The following GIPR variants were observed in gnomAD, a reference collection of about 807,000 sequenced individuals.
GIPR encodes the protein GIP-R.
A neutral mutation model predicts 62.2 loss-of-function variants in GIPR; 74 were observed. The observed-to-expected ratio is 1.19, with a 90% CI of 0.99 to 1.44. The LOEUF is 1.44. GIPR is among the 40% of genes most tolerant of loss of function. The probability of loss-of-function intolerance (pLI) is 0.00; values close to 1 mark genes in which losing one functional copy is unlikely to be tolerated. For missense variants in GIPR, 664 were observed against 611.8 expected (o/e 1.09, Z -0.90); for synonymous variants, 256 against 262.2 (o/e 0.98, Z 0.23).
At chr19:45,677,437 C>G (rs1967007566) in intron 9 of GIPR, 54 bp downstream of exon 9, 2 of 1,236,074 alleles carry the variant, frequency 1.6e-6, no homozygotes, top group Admixed American at 1.8e-5. Flanking sequence ...CTTTGAGGGA[C>G]TGTGGCGGGT....
At position 45,671,202 on chromosome 19, in the gene GIPR, AAGCACTTGGCCCACTGCGCAGT is replaced by A. The variant is rs748182574; in HGVS notation, c.173-58_173-37del. On this transcript the variant is annotated intron_variant, in intron 3 of 13. Coordinates refer to ENST00000590918, the MANE Select transcript of GIPR (RefSeq NM_000164.4). ...GAGAAGCACTTGGCCCACTGCGGAG[AAGCACTTGGCCCACTGCGCAGT>A]AGCACTTGGCCCACTGCGCAGTAGG... 1.0e-2 allele frequency: 8,277 copies of A among 829,576 alleles called. 102 individuals are homozygous for A. The highest frequency in any genetic ancestry group is 0.046 in the Middle Eastern group (193 of 4,228). 51.4% of individuals were successfully genotyped at this position (829,576 alleles called of 1,614,324 possible).
In GIPR at chr19:45,677,082, T is replaced by A; in HGVS notation, c.767T>A (p.Phe256Tyr). The change falls in exon 8 of 14, where the codon TTC becomes TAC. Residue 256 changes from phenylalanine to tyrosine, a missense_variant. Coordinates refer to ENST00000590918, the MANE Select transcript of GIPR (RefSeq NM_000164.4). ...GTGGGAGGCTCCGAGGAGGGCCACT[T>A]CCGCTACTACCTGCTCCTCGGCTGG... ...VLVGGSEEGHFRYYLLLGWGA... is the reference protein window; with the variant it reads ...VLVGGSEEGHYRYYLLLGWGA... 2 of 1,613,914 alleles carry A rather than the reference T, an allele frequency of 1.2e-6. No homozygotes were observed. The highest frequency in any genetic ancestry group is 1.7e-5 in the Admixed American group (1 of 60,010).
chr19:45,679,561 G>A (rs1308548357), intron 12 of GIPR, among the ~76,000 whole-genome samples: 7 of 151,406 alleles, frequency 4.6e-5, no homozygotes, highest in Non-Finnish European at 8.8e-5. Flanking sequence ...AGCAAGAAAA[G>A]AGATGAGGAG....
chr19:45,671,233 G>GCCC (rs1384219656), intron 3 of GIPR, 52 bp from the exon 4 acceptor site: 5 of 1,041,522 alleles, frequency 4.8e-6, no homozygotes, highest in Non-Finnish European at 7.5e-6. Flanking sequence ...GTAGCACTTG[G>GCCC]CCCACTGCGC....
rs1238319940 is a variant in GIPR at position 45,672,971 on chromosome 19, G to C, written c.384+17G>C. 4.2e-6 allele frequency: 6 copies of C among 1,438,112 alleles called. No homozygotes were observed. The highest frequency in any genetic ancestry group is 5.9e-6 in the Non-Finnish European group (6 of 1,019,330). The allele number at this position is 1,438,112 out of a possible 1,614,324, so 89.1% of individuals were successfully genotyped here. ...GCCTTTCTGGTAAGAAGAGGTGAGG[G>C]CTTCAGGTTAGGAGTCCAGGGAGAG... is the stretch of plus-strand genomic sequence containing the variant. On this transcript the variant is annotated intron_variant, in intron 5 of 13. Transcript: ENST00000590918.
At position 45,669,475 on chromosome 19, in the gene GIPR, A is replaced by G; in HGVS notation, c.-44-2A>G. On this transcript the variant is annotated splice_acceptor_variant, in intron 1 of 13. Coordinates refer to ENST00000590918, the MANE Select transcript of GIPR (RefSeq NM_000164.4). LOFTEE classifies it low-confidence loss of function (5UTR_SPLICE). ...TGCTGACCTTGCCCTGGGACCCTCC[A>G]GGCCTGATCGCCCCTGCACGAACCA... 1.3e-6 allele frequency: 2 copies of G among 1,548,666 alleles called. No homozygotes were observed. Among genetic ancestry groups the G allele is most frequent in the Non-Finnish European group, 1.7e-6 (2 of 1,150,040 alleles).
At chr19:45,670,768 C>A (rs1342207461) in intron 3 of GIPR, 34 bp downstream of exon 3, 2 of 1,355,738 alleles carry the variant, frequency 1.5e-6, no homozygotes, top group Non-Finnish European at 2.1e-6. Context: ...GCGGGGAGGA[C>A]CTGAGGCTGA....
rs529800464 is a variant in GIPR at position 45,681,618 on chromosome 19, C to A, written c.1167C>A (p.Ser389Arg). The A allele has an allele frequency of 6.2e-7, 1 of 1,613,880 alleles. No individual in the cohort carries two copies. The highest frequency in any genetic ancestry group is 1.1e-5 in the South Asian group (1 of 91,082). Residue 389 changes from serine (S) to arginine (R), a missense_variant, in exon 13 of 14, where the codon AGC becomes AGA. Transcript: ENST00000590918. ...CCTCTGGGCAGGGCTTCCTGGTCAG[C>A]GTCCTCTACTGCTTCATCAACAAGG... is the stretch of plus-strand genomic sequence containing the variant. Reference protein sequence around the residue: ...FLSSFQGFLVSVLYCFINKEV... With the variant: ...FLSSFQGFLVRVLYCFINKEV...
chr19:45,674,650 G>A, intron 6 of GIPR, 32 bp from the exon 7 acceptor site: 2 of 1,612,274 alleles, frequency 1.2e-6, no homozygotes, highest in South Asian at 1.1e-5. Flanking sequence ...AGCTCTCCAG[G>A]GGCCCCCACA....
At position 45,678,199 on chromosome 19, in the gene GIPR, C is replaced by T; in HGVS notation, c.1125C>T (p.Gly375=). The part of the protein sequence containing the change: ...ARGALRFAKL[G]FEIFLSSFQG... ...GCGCCCTGCGCTTCGCCAAGCTCGG[C>T]TTTGAGATCTTCCTCAGCTCCTTCC... Residue 375 remains glycine, a synonymous_variant, in exon 12 of 14, where the codon GGC becomes GGT. Coordinates refer to ENST00000590918, the MANE Select transcript of GIPR (RefSeq NM_000164.4). The T allele has an allele frequency of 1.9e-6, 3 of 1,578,714 alleles. No individual in the cohort carries two copies. The highest frequency in any genetic ancestry group is 2.6e-6 in the Non-Finnish European group (3 of 1,162,848).
intron 12 of GIPR, among the ~76,000 whole-genome samples, chr19:45,681,297 C>T (rs1408825656): frequency 6.6e-6 from 1 of 152,032 alleles, no homozygotes; most frequent in African/African-American, 2.4e-5. Context: ...GAGTTCGAGA[C>T]CAGTCTGGAC....
At chr19:45,672,602 G>C in intron 4 of GIPR, 1 of 435,440 alleles carries the variant, frequency 2.3e-6, no homozygotes, top group East Asian at 4.9e-5. Context: ...ACCACGCCCA[G>C]CCTTAACATT....
chr19:45,676,886 G>A (rs191186757), intron 7 of GIPR, 63 bp from the exon 8 acceptor site: 6 of 1,475,322 alleles, frequency 4.1e-6, no homozygotes, highest in African/African-American at 2.8e-5. Context: ...ATCAAAGCTG[G>A]GGGAGACTGG....
At position 45,682,036 on chromosome 19, in the gene GIPR, C is replaced by A; in HGVS notation, c.*101C>A. On this transcript the variant is annotated 3_prime_UTR_variant, in exon 14 of 14. Coordinates refer to ENST00000590918, the MANE Select transcript of GIPR (RefSeq NM_000164.4). The stretch of plus-strand genomic sequence containing the variant: ...GACGCTGGGGAAATGGTGAAGGAAA[C>A]AGAAAAAAGGTCCCTGCCCTTCTGG... The A allele has an allele frequency of 1.3e-5, 13 of 1,037,658 alleles. No homozygotes were observed. In the Admixed American group the frequency reaches 1.3e-4, roughly 10 times the overall value. 64.3% of individuals were successfully genotyped at this position (1,037,658 alleles called of 1,614,324 possible). A position where few individuals can be genotyped will look rare whatever the true frequency, so the allele number is the denominator to read the frequency against.
chr19:45,669,200 C>G (rs975630448), intron 1 of GIPR, among the ~76,000 whole-genome samples: 2 of 152,282 alleles, frequency 1.3e-5, no homozygotes, highest in Non-Finnish European at 2.9e-5. Flanking sequence ...AGCAAACACC[C>G]CCCCCTTCCA....
rs566643528 is a variant in GIPR at position 45,672,704 on chromosome 19, G to T, written c.281-147G>T. 26 of 679,314 alleles carry T rather than the reference G, an allele frequency of 3.8e-5. No individual in the cohort carries two copies. The African/African-American group carries it at 4.7e-4, about 12-fold the overall frequency. The allele number at this position is 679,314 out of a possible 1,614,324, so 42.1% of individuals were successfully genotyped here. ...AATATTAAATTAATACAAATAACATGCCATATAAGGGTTTATCATCATCAT... is the reference window on the plus strand; with the variant it reads ...AATATTAAATTAATACAAATAACATTCCATATAAGGGTTTATCATCATCAT... On this transcript the variant is annotated intron_variant, in intron 4 of 13. Transcript: ENST00000590918.
At chr19:45,668,743 G>T (rs1975386316) in intron 1 of GIPR, among the ~76,000 whole-genome samples, 1 of 152,232 alleles carries the variant, frequency 6.6e-6, no homozygotes, top group Non-Finnish European at 1.5e-5. Flanking sequence ...GGGGGCGCGG[G>T]TGAGTGGGTG....
At chr19:45,681,352 G>C (rs571887100) in intron 12 of GIPR, among the ~76,000 whole-genome samples, 5 of 152,124 alleles carry the variant, frequency 3.3e-5, no homozygotes, top group African/African-American at 9.6e-5. Flanking sequence ...AAAATTAGCT[G>C]GGCGTGGTGG....
Position 45,683,668 on chromosome 19 carries a change from C to T in GIPR, c.*1733C>T, listed in dbSNP as rs558678911. ...CCCTACACCCTGCCTTGTGGGTTCT[C>T]GCGGGGTGGGGGCCTTAGGGCAAGG... On this transcript the variant is annotated 3_prime_UTR_variant, in exon 14 of 14. Transcript: ENST00000590918. 1 of 152,310 alleles carries T rather than the reference C, an allele frequency of 6.6e-6. No homozygotes were observed. The highest frequency in any genetic ancestry group is 2.4e-5 in the African/African-American group (1 of 41,564). 9.4% of individuals were successfully genotyped at this position (152,310 alleles called of 1,614,324 possible).
Sources: gnomAD v4.1 joint callset for allele counts (sites outside exome capture counted in the v4.1 genomes callset) on GRCh38, gnomAD v4.1.1 for gene constraint, MANE v1.5 for transcripts, NCBI Gene and HGNC (gene_info 2026-07-23, HGNC 2026-07-21) for gene names.